Variants in PRKAR1A observed in about 807,000 individuals in gnomAD.
PRKAR1A encodes protein kinase cAMP-dependent type I regulatory subunit alpha.
PRKAR1A carries 3 observed loss-of-function variants against 52.0 expected under a neutral mutation model. The observed-to-expected ratio is 0.06, with a 90% CI of 0.03 to 0.15. The LOEUF is 0.15. Among genes scored for constraint, PRKAR1A ranks in the 10% least tolerant of loss-of-function variants. The probability of loss-of-function intolerance (pLI) is 1.00; values close to 1 mark genes in which losing one functional copy is unlikely to be tolerated. For missense variants in PRKAR1A, 240 were observed against 477.4 expected, an observed-to-expected ratio of 0.50 and a Z score of 4.63; for synonymous variants, 188 against 168.4, an observed-to-expected ratio of 1.12 and a Z score of -0.90.
chr17:68,419,647 C>T, the PRKAR1A span, among the ~76,000 whole-genome samples: 20 of 152,066 alleles, frequency 1.3e-4, no homozygotes, highest in Non-Finnish European at 2.2e-4. Context: ...GCCCTGAAGG[C>T]GAGTTCAAGG....
In PRKAR1A at chr17:68,531,198, A is replaced by G. The variant is rs1366357330; in HGVS notation, c.*749A>G. On this transcript the variant is annotated 3_prime_UTR_variant, in exon 11 of 11. Coordinates refer to ENST00000589228, the MANE Select transcript of PRKAR1A (RefSeq NM_002734.5). ...TGCAAATATTGGTTAGTATTTAACT[A>G]CATCTGCCTCGGCTCACAAATTCCG... 9.4e-7 allele frequency: 1 copy of G among 1,065,926 alleles called. No homozygotes were observed. Among genetic ancestry groups the G allele is most frequent in the East Asian group, 5.0e-5 (1 of 20,178 alleles). The allele number at this position is 1,065,926 out of a possible 1,614,324, so 66.0% of individuals were successfully genotyped here.
At chr17:68,471,958 G>A in the PRKAR1A span, among the ~76,000 whole-genome samples, 1 of 152,138 alleles carries the variant, frequency 6.6e-6, no homozygotes, top group East Asian at 1.9e-4. Context: ...CCGCCACCAC[G>A]CCTGGCTAAT....
intron 6 of PRKAR1A, among the ~76,000 whole-genome samples, chr17:68,525,376 G>A (rs1275670299): frequency 1.3e-5 from 2 of 151,988 alleles, no homozygotes; most frequent in Non-Finnish European, 2.9e-5. Flanking sequence ...ATGAAATGGG[G>A]ACAATAATAG....
At chr17:68,472,763 T>C in the PRKAR1A span, among the ~76,000 whole-genome samples, 3 of 149,716 alleles carry the variant, frequency 2.0e-5, no homozygotes, top group Non-Finnish European at 2.9e-5. Context: ...CTGGCCAACA[T>C]AGTGAAATCC....
chr17:68,433,367 A>G, the PRKAR1A span: 1 of 1,112,634 alleles, frequency 9.0e-7, no homozygotes, highest in Non-Finnish European at 1.3e-6. Flanking sequence ...TGAAGCCAAG[A>G]TTGGGTGTTC....
At chr17:68,550,808 C>T (rs2086801982) in intron 11 of PRKAR1A, among the ~76,000 whole-genome samples, 1 of 152,192 alleles carries the variant, frequency 6.6e-6, no homozygotes, top group Non-Finnish European at 1.5e-5. Context: ...TTAAAGCCTC[C>T]TTAAGTGAAT....
At chr17:68,550,486 T>G (rs1165355880) in intron 11 of PRKAR1A, among the ~76,000 whole-genome samples, 1 of 149,526 alleles carries the variant, frequency 6.7e-6, no homozygotes, top group African/African-American at 2.5e-5. Flanking sequence ...GTTCAGGAGA[T>G]TCTTCTGCCT....
At chr17:68,523,901 G>A (rs997980504) in intron 4 of PRKAR1A, 85 bp downstream of exon 4, 3 of 1,575,520 alleles carry the variant, frequency 1.9e-6, no homozygotes, top group Non-Finnish European at 2.6e-6. Context: ...AAGTTTTAGA[G>A]CTCTTAGTAA....
intron 7 of PRKAR1A, chr17:68,527,502 G>C: frequency 3.6e-6 from 1 of 275,924 alleles, no homozygotes; most frequent in South Asian, 3.7e-5. Flanking sequence ...TAAAGTGTGT[G>C]GAAAAATATC....
the PRKAR1A span, chr17:68,422,826 A>G: frequency 6.6e-6 from 1 of 151,966 alleles, no homozygotes; most frequent in Non-Finnish European, 1.5e-5. Context: ...TAGTCTCACA[A>G]AATACAGAGA....
the PRKAR1A span, among the ~76,000 whole-genome samples, chr17:68,417,744 T>TTTTTTTTG: frequency 8.9e-6 from 1 of 112,454 alleles, no homozygotes; most frequent in Non-Finnish European, 1.7e-5. Flanking sequence ...TTTTTTTTTT[T>TTTTTTTTG]TTTTTTTTTT....
At chr17:68,497,364 A>G in the PRKAR1A span, among the ~76,000 whole-genome samples, 1 of 152,268 alleles carries the variant, frequency 6.6e-6, no homozygotes, top group African/African-American at 2.4e-5. Flanking sequence ...GACAGAAAAA[A>G]AATTGCTAGT....
chr17:68,544,562 G>A (rs901395140), intron 11 of PRKAR1A, among the ~76,000 whole-genome samples: 3 of 152,184 alleles, frequency 2.0e-5, no homozygotes, highest in African/African-American at 4.8e-5. Flanking sequence ...GTAAATAAAC[G>A]TGATGTTGCA....
At chr17:68,521,200 G>A (rs186048980) in intron 2 of PRKAR1A, among the ~76,000 whole-genome samples, 4 of 152,104 alleles carry the variant, frequency 2.6e-5, no homozygotes, top group Non-Finnish European at 5.9e-5. Flanking sequence ...TTGGCCTCCC[G>A]AAGTGTTGGG....
At chr17:68,478,374 C>G in the PRKAR1A span, among the ~76,000 whole-genome samples, 4 of 152,130 alleles carry the variant, frequency 2.6e-5, no homozygotes, top group Non-Finnish European at 1.5e-5. Context: ...ATCACTTGAA[C>G]CTGAGAGGCG....
At chr17:68,541,206 A>T in intron 11 of PRKAR1A, 1 of 505,502 alleles carries the variant, frequency 2.0e-6, no homozygotes, top group South Asian at 2.0e-5. Flanking sequence ...TGTGTGCCAG[A>T]GGGGAGAGGC....
At chr17:68,442,485 G>A in the PRKAR1A span, among the ~76,000 whole-genome samples, 1 of 150,832 alleles carries the variant, frequency 6.6e-6, no homozygotes, top group East Asian at 1.9e-4. Flanking sequence ...AAAAAAAAAG[G>A]AGAAACATCT....
chr17:68,426,254 G>GGGGGGGTGGGGC, the PRKAR1A span: 1 of 816,924 alleles, frequency 1.2e-6, no homozygotes, highest in Non-Finnish European at 1.9e-6. Context: ...GGGAGCGGGG[G>GGGGGGGTGGGGC]CTCAAATAAA....
chr17:68,535,559 C>T (rs1424838812), downstream of PRKAR1A: 20 of 453,836 alleles, frequency 4.4e-5, no homozygotes, highest in Admixed American at 1.2e-4. Context: ...CATCTTGAAG[C>T]AGGAGAGACA....
Sources: gnomAD v4.1 joint callset for allele counts (sites outside exome capture counted in the v4.1 genomes callset) on GRCh38, gnomAD v4.1.1 for gene constraint, MANE v1.5 for transcripts, NCBI Gene and HGNC (gene_info 2026-07-23, HGNC 2026-07-21) for gene names.